The following HECW1 variants were observed in gnomAD, a reference collection of about 807,000 sequenced individuals.
The protein encoded by HECW1 is E3 ubiquitin-protein ligase HECW1.
A neutral mutation model predicts 182.3 loss-of-function variants in HECW1; 61 were observed. The ratio of observed to expected loss-of-function variants is 0.33; its 90% CI spans 0.27 to 0.41. HECW1 has a LOEUF of 0.41. Ranked by LOEUF, HECW1 falls within the 10% of genes least tolerant of loss-of-function variation. The pLI, the probability that HECW1 is intolerant of heterozygous loss-of-function variation, is 1.00. For synonymous variants in HECW1, 859 were observed against 832.6 expected (o/e 1.03, Z -0.55); for missense variants, 1,739 against 2,108.9 (o/e 0.82, Z 3.44).
intron 2 of HECW1, among the ~76,000 whole-genome samples, chr7:43,156,146 T>C (rs1468582468): frequency 6.6e-6 from 1 of 152,160 alleles, no homozygotes; most frequent in Non-Finnish European, 1.5e-5. Flanking sequence ...TTAATAAAAT[T>C]ATAAAAGGAA....
intron 3 of HECW1, among the ~76,000 whole-genome samples, chr7:43,251,150 A>C (rs887301989): frequency 2.6e-5 from 4 of 152,120 alleles, no homozygotes; most frequent in African/African-American, 9.7e-5. Context: ...TGAGGGCTGC[A>C]AGGGGTGGTG....
chr7:43,538,076 A>G (rs539882826), intron 24 of HECW1, among the ~76,000 whole-genome samples: 2 of 152,334 alleles, frequency 1.3e-5, no homozygotes, highest in Admixed American at 6.5e-5. Flanking sequence ...CTGGTTGCTC[A>G]TGATTGATCC....
At chr7:43,409,232 T>C (rs183451784) in intron 8 of HECW1, among the ~76,000 whole-genome samples, 160 of 152,338 alleles carry the variant, frequency 1.1e-3, no homozygotes, top group African/African-American at 3.6e-3. Context: ...CCTCCTAGCG[T>C]TGGTTATCAA....
rs1182586106 is a variant in HECW1, at chr7:43,479,597, G to T, written c.3100-13G>T. 7 of 1,613,608 alleles carry T rather than the reference G, an allele frequency of 4.3e-6. No individual in the cohort carries two copies. In the African/African-American group the frequency reaches 6.7e-5, roughly 15 times the overall value. The stretch of plus-strand genomic sequence containing the variant: ...ACACCACACGGTGCTTTTTTTCACT[G>T]GTCTGTTCGCAGTCTTTTTTCGTGG... On this transcript the variant is annotated splice_polypyrimidine_tract_variant and intron_variant, in intron 16 of 29. Coordinates refer to ENST00000395891, the MANE Select transcript of HECW1 (RefSeq NM_015052.5).
At chr7:43,210,845 G>T (rs1460243696) in intron 2 of HECW1, among the ~76,000 whole-genome samples, 1 of 152,198 alleles carries the variant, frequency 6.6e-6, no homozygotes, top group Non-Finnish European at 1.5e-5. Flanking sequence ...CTGCAATGGC[G>T]GTAAATATCA....
At position 43,308,098 on chromosome 7, in the gene HECW1, G is replaced by A. The variant is rs1249359614; in HGVS notation, c.28-3665G>A. Among the ~76,000 whole-genome samples the A allele has an allele frequency of 1.3e-3, 124 of 94,298 alleles. 2 individuals carry two copies. Among genetic ancestry groups the A allele is most frequent in the African/African-American group, 5.3e-3 (117 of 22,004 alleles). The allele number at this position is 94,298 out of a possible 152,430, so 61.9% of individuals were successfully genotyped here. A position where few individuals can be genotyped will look rare whatever the true frequency, so the allele number is the denominator to read the frequency against. ...ATATAATATATTATATATTATATATGTTATATATAATATAACATATAATAT... is the reference window on the plus strand; with the variant it reads ...ATATAATATATTATATATTATATATATTATATATAATATAACATATAATAT... On this transcript the variant is annotated intron_variant, in intron 3 of 29. Coordinates refer to ENST00000395891, the MANE Select transcript of HECW1 (RefSeq NM_015052.5).
chr7:43,332,089 T>C (rs1811567865), intron 5 of HECW1, among the ~76,000 whole-genome samples: 1 of 152,162 alleles, frequency 6.6e-6, no homozygotes, highest in South Asian at 2.1e-4. Context: ...CTGACCATTC[T>C]ACAGTGCCCG....
chr7:43,390,264 G>A (rs770878419), intron 6 of HECW1, among the ~76,000 whole-genome samples: 2 of 152,112 alleles, frequency 1.3e-5, no homozygotes, highest in Admixed American at 1.3e-4. Flanking sequence ...GGGAGGCCAC[G>A]CATGGTGGCT....
intron 24 of HECW1, among the ~76,000 whole-genome samples, chr7:43,535,542 G>C (rs923551242): frequency 2.6e-5 from 4 of 152,142 alleles, no homozygotes; most frequent in South Asian, 4.2e-4. Flanking sequence ...TTCCCCTCAG[G>C]ATCTATGAGC....
chr7:43,419,005 C>T (rs1431565425), intron 8 of HECW1, among the ~76,000 whole-genome samples: 1 of 152,192 alleles, frequency 6.6e-6, no homozygotes, highest in Non-Finnish European at 1.5e-5. Context: ...CAGTTCAGTT[C>T]TTTAAGCCCT....
intron 4 of HECW1, among the ~76,000 whole-genome samples, chr7:43,318,593 C>A (rs1309218059): frequency 6.6e-6 from 1 of 152,222 alleles, no homozygotes; most frequent in Non-Finnish European, 1.5e-5. Context: ...TGTAAGTACT[C>A]CCCACTTTGC....
At chr7:43,559,719 G>A (rs1350455126) in intron 29 of HECW1, among the ~76,000 whole-genome samples, 1 of 152,142 alleles carries the variant, frequency 6.6e-6, no homozygotes, top group African/African-American at 2.4e-5. Flanking sequence ...GGCAATGCTT[G>A]GTTTGGTGCA....
At chr7:43,210,011 G>T (rs1202025793) in intron 2 of HECW1, among the ~76,000 whole-genome samples, 1 of 152,134 alleles carries the variant, frequency 6.6e-6, no homozygotes, top group African/African-American at 2.4e-5. Flanking sequence ...CAAAGCGAAG[G>T]TGGGACAGAG....
At chr7:43,403,984 T>C (rs1006084751) in intron 7 of HECW1, among the ~76,000 whole-genome samples, 1 of 152,220 alleles carries the variant, frequency 6.6e-6, no homozygotes, top group African/African-American at 2.4e-5. Context: ...TCCTTTAACG[T>C]AGCATTTACT....
intron 2 of HECW1, among the ~76,000 whole-genome samples, chr7:43,153,601 G>T (rs553385651): frequency 6.6e-6 from 1 of 152,306 alleles, no homozygotes; most frequent in Non-Finnish European, 1.5e-5. Context: ...GTGGAGAGTG[G>T]AAAGACTTTG....
chr7:43,404,381 A>G (rs955286497), intron 7 of HECW1, among the ~76,000 whole-genome samples: 2 of 152,352 alleles, frequency 1.3e-5, no homozygotes, highest in South Asian at 2.1e-4. Flanking sequence ...TATAAATTCA[A>G]TGCAGTTCTA....
intron 16 of HECW1, among the ~76,000 whole-genome samples, chr7:43,476,839 T>C (rs1466922851): frequency 6.6e-6 from 1 of 152,068 alleles, no homozygotes; most frequent in Non-Finnish European, 1.5e-5. Flanking sequence ...GCTAGAAAAA[T>C]ATAGTTAAAC....
chr7:43,448,322 T>G (rs893215695), intron 11 of HECW1, among the ~76,000 whole-genome samples: 13 of 152,230 alleles, frequency 8.5e-5, no homozygotes. Context: ...AAATACCTCC[T>G]TTTTAAAAGT....
intron 24 of HECW1, among the ~76,000 whole-genome samples, chr7:43,518,420 C>G (rs2080269791): frequency 6.6e-6 from 1 of 151,698 alleles, no homozygotes; most frequent in Admixed American, 6.6e-5. Flanking sequence ...TGCTTGAACC[C>G]AGGTAGCAAA....
Sources: allele counts gnomAD v4.1 joint callset (sites outside exome capture counted in the v4.1 genomes callset), GRCh38; gene constraint gnomAD v4.1.1; transcripts MANE v1.5; gene names NCBI Gene and HGNC (gene_info 2026-07-23, HGNC 2026-07-21).